MEIOB: variants seen among roughly 807,000 people sequenced by gnomAD.
MEIOB encodes the protein meiosis-specific with OB domain-containing protein.
A neutral mutation model predicts 53.1 loss-of-function variants in MEIOB; 50 were observed. The observed-to-expected ratio is 0.94, with a 90% confidence interval of 0.75 to 1.19. The LOEUF is 1.19. MEIOB is among the 50% of genes most tolerant of loss of function. The probability of loss-of-function intolerance (pLI) is 0.00; values close to 1 mark genes in which losing one functional copy is unlikely to be tolerated. For missense variants in MEIOB, 551 were observed against 550.8 expected, an observed-to-expected ratio of 1.00 and a Z score of 0.00; for synonymous variants, 192 against 182.5, an observed-to-expected ratio of 1.05 and a Z score of -0.42.
rs1464465842 is a variant in MEIOB, at chr16:1,841,832, A to G, written c.1022T>C (p.Val341Ala). The G allele has an allele frequency of 6.3e-6, 10 of 1,574,956 alleles. No homozygotes were observed. The highest frequency in any genetic ancestry group is 2.3e-5 in the East Asian group (1 of 44,104). ...LNIDDETTKV[V>A]RNRCSSCGYI... is the part of the protein sequence containing the mutation. ...CACGGATCCTTACCATCTATTTCGA[A>G]CTACTTTTGTAGTTTCATCATCAAT... Residue 341 changes from valine (V) to alanine (A), a missense_variant, in exon 11 of 14, where the codon GTT becomes GCT. Physicochemically the swap from Val to Ala is moderately conservative, Grantham distance 64. Coordinates refer to ENST00000325962, the MANE Select transcript of MEIOB (RefSeq NM_001163560.3).
At position 1,867,885 on chromosome 16, in the gene MEIOB, C is replaced by T. The variant is rs552887290; in HGVS notation, c.69+222G>A. 1.3e-4 allele frequency among the ~76,000 whole-genome samples: 18 copies of T among 138,858 alleles called. No homozygotes were observed. In the East Asian group the frequency reaches 3.3e-3, roughly 26 times the overall value. 91.1% of individuals were successfully genotyped at this position (138,858 alleles called of 152,430 possible). ...TTTGAACAATTACTAGTCAAATCTA[C>T]AATCATATCTTCTACTCTACACACA... On this transcript the variant is annotated intron_variant, in intron 2 of 13. Transcript: ENST00000325962.
In MEIOB at chr16:1,847,626, GA is replaced by G. The variant is rs550868281; in HGVS notation, c.779-2664del. Reference sequence around the variant, plus strand: ...AGGGGAGGGGAGGGGAGGGGAGAAAGAAAAAACAGAGAAAGAAAGAGAGAGA... The same window carrying G: ...AGGGGAGGGGAGGGGAGGGGAGAAAGAAAAACAGAGAAAGAAAGAGAGAGA... On this transcript the variant is annotated intron_variant, in intron 9 of 13. Coordinates refer to ENST00000325962, the MANE Select transcript of MEIOB (RefSeq NM_001163560.3). Among the ~76,000 whole-genome samples, 27 of 151,804 alleles carry G rather than the reference GA, an allele frequency of 1.8e-4. 1 individual carries two copies. In the South Asian group the frequency reaches 5.0e-3, roughly 28 times the overall value.
intron 12 of MEIOB, among the ~76,000 whole-genome samples, chr16:1,838,848 C>T (rs1217751875): frequency 6.6e-6 from 1 of 152,114 alleles, no homozygotes; most frequent in Non-Finnish European, 1.5e-5. Flanking sequence ...CACGTCACCA[C>T]ACCCAGCTAA....
At chr16:1,871,380 T>C (rs9927874) in intron 1 of MEIOB, among the ~76,000 whole-genome samples, 56,317 of 73,438 alleles carry the variant, frequency 0.77, 22,978 homozygotes, top group Middle Eastern at 0.86. Context: ...CCGCCACGCC[T>C]GGCTAATTTT....
At position 1,839,273 on chromosome 16, in the gene MEIOB, C is replaced by T; in HGVS notation, c.1200G>A (p.Glu400=). ...HSCSLTGSVA[E]ETLGCTVHEF... ...TATTTACCGTGCAGCCCAAAGTCTC[C>T]TCAGCAACACTTCCTGTGAGACTAC... Residue 400 remains glutamate, a synonymous_variant, in exon 12 of 14, where the codon GAG becomes GAA. Transcript: ENST00000325962. 1 of 1,610,984 alleles carries T rather than the reference C, an allele frequency of 6.2e-7. No individual in the cohort carries two copies.
intron 3 of MEIOB, among the ~76,000 whole-genome samples, 167 bp from the exon 4 acceptor site, chr16:1,862,283 C>G (rs1899467103): frequency 6.6e-6 from 1 of 152,068 alleles, no homozygotes; most frequent in African/African-American, 2.4e-5. Flanking sequence ...ATACATAGTA[C>G]AAAATGTTCT....
rs939538552 is a variant in MEIOB at position 1,868,779 on chromosome 16, C to T, written c.-9-595G>A. 5.3e-5 allele frequency among the ~76,000 whole-genome samples: 8 copies of T among 150,730 alleles called. No individual in the cohort carries two copies. The East Asian group carries it at 9.9e-4, about 19-fold the overall frequency. On this transcript the variant is annotated intron_variant, in intron 1 of 13. Transcript: ENST00000325962. The stretch of plus-strand genomic sequence containing the variant: ...CTGAGGCAGGAGAATGGCGTGAACC[C>T]GGGAGGCGGAGCTTGCAGTGAGCTG...
intron 12 of MEIOB, among the ~76,000 whole-genome samples, chr16:1,838,691 G>GT (rs879708755): frequency 3.0e-4 from 44 of 148,460 alleles, no homozygotes; most frequent in Middle Eastern, 3.4e-3. Flanking sequence ...TTAGTGTTTT[G>GT]TTTTTTTTTT....
intron 6 of MEIOB, among the ~76,000 whole-genome samples, chr16:1,856,799 T>C (rs1201957537): frequency 6.9e-6 from 1 of 143,940 alleles, no homozygotes; most frequent in African/African-American, 2.6e-5. Context: ...GGTCTCCCTC[T>C]ATTGCCCAGG....
At chr16:1,836,972 G>T (rs1898764467) in intron 13 of MEIOB, among the ~76,000 whole-genome samples, 1 of 152,178 alleles carries the variant, frequency 6.6e-6, no homozygotes, top group Admixed American at 6.5e-5. Flanking sequence ...ACCATGAAGT[G>T]AAGCAACTAG....
At chr16:1,862,281 T>C (rs1899467015) in intron 3 of MEIOB, among the ~76,000 whole-genome samples, 165 bp from the exon 4 acceptor site, 1 of 152,220 alleles carries the variant, frequency 6.6e-6, no homozygotes, top group Admixed American at 6.5e-5. Flanking sequence ...AAATACATAG[T>C]ACAAAATGTT....
chr16:1,844,620 C>A (rs1029415105), intron 10 of MEIOB, among the ~76,000 whole-genome samples: 1 of 151,810 alleles, frequency 6.6e-6, no homozygotes, highest in Non-Finnish European at 1.5e-5. Context: ...TCCCATGATA[C>A]CTGGCTAATT....
rs1023328250 is a variant in MEIOB at position 1,837,777 on chromosome 16, CACTA to C, written c.1305+3_1305+6del. On this transcript the variant is annotated splice_donor_5th_base_variant and intron_variant, in intron 13 of 13. Transcript: ENST00000325962. ...TAGAATAATATGGGACTATAAAATG[CACTA>C]ACTTTTAAATAAATTTTGCTTCTTT... is the stretch of plus-strand genomic sequence containing the variant. 14 of 1,408,444 alleles carry C rather than the reference CACTA, an allele frequency of 9.9e-6. No individual in the cohort carries two copies. Among genetic ancestry groups the C allele is most frequent in the Non-Finnish European group, 1.3e-5 (13 of 1,028,590 alleles). The allele number at this position is 1,408,444 out of a possible 1,614,324, so 87.2% of individuals were successfully genotyped here. A position where few individuals can be genotyped will look rare whatever the true frequency, so the allele number is the denominator to read the frequency against.
At chr16:1,841,373 G>A (rs73490167) in intron 11 of MEIOB, among the ~76,000 whole-genome samples, 6,786 of 152,208 alleles carry the variant, frequency 0.045, 477 homozygotes, top group African/African-American at 0.14. Flanking sequence ...GAGGTTTGAT[G>A]TTTCCTAGGC....
intron 13 of MEIOB, among the ~76,000 whole-genome samples, chr16:1,835,808 C>T (rs1898729335): frequency 6.6e-6 from 1 of 152,090 alleles, no homozygotes; most frequent in African/African-American, 2.4e-5. Flanking sequence ...ACAAGCAAAC[C>T]CATTCAGCAT....
chr16:1,860,410 T>G lies in MEIOB; in HGVS notation c.325A>C (p.Thr109Pro). 6.5e-7 allele frequency: 1 copy of G among 1,529,368 alleles called. No homozygotes were observed. The highest frequency in any genetic ancestry group is 1.2e-5 in the South Asian group (1 of 83,630). 94.7% of individuals were successfully genotyped at this position (1,529,368 alleles called of 1,614,324 possible). ...TGCTAGACAGATGCTTACCTAGGAGTTGCAGGGCTGAATTTTTCTTCTCTT... is the reference window on the plus strand; with the variant it reads ...TGCTAGACAGATGCTTACCTAGGAGGTGCAGGGCTGAATTTTTCTTCTCTT... ...IEREEKFSPA[T>P]PSNCKLLLSE... Residue 109 changes from threonine to proline, a missense_variant, in exon 5 of 14, where the codon ACT becomes CCT. Thr to Pro is a conservative substitution (Grantham distance 38, BLOSUM62 -1). Coordinates refer to ENST00000325962, the MANE Select transcript of MEIOB (RefSeq NM_001163560.3).
At chr16:1,852,848 G>A (rs912610315) in intron 9 of MEIOB, among the ~76,000 whole-genome samples, 191 bp downstream of exon 9, 1 of 152,198 alleles carries the variant, frequency 6.6e-6, no homozygotes, top group Non-Finnish European at 1.5e-5. Context: ...GAGCCACCAC[G>A]TCCGACCTCA....
intron 1 of MEIOB, 59 bp from the exon 2 acceptor site, chr16:1,868,243 A>G: frequency 3.1e-6 from 3 of 966,440 alleles, no homozygotes; most frequent in Non-Finnish European, 4.7e-6. Flanking sequence ...TAAATCATTT[A>G]AAAAATTCCA....
intron 9 of MEIOB, among the ~76,000 whole-genome samples, chr16:1,847,571 G>A (rs1171309869): frequency 6.7e-6 from 1 of 149,232 alleles, no homozygotes; most frequent in Non-Finnish European, 1.5e-5. Flanking sequence ...AGGAGTTTGA[G>A]ACCCCCCAAA....
Sources: gnomAD v4.1 joint callset for allele counts (sites outside exome capture counted in the v4.1 genomes callset) on GRCh38, gnomAD v4.1.1 for gene constraint, MANE v1.5 for transcripts, NCBI Gene and HGNC (gene_info 2026-07-23, HGNC 2026-07-21) for gene names.